The following MED12L variants were observed in gnomAD, a reference collection of about 807,000 sequenced individuals.
MED12L encodes mediator complex subunit 12L.
In MED12L, 60 loss-of-function variants were observed where a neutral mutation model predicts 281.3. That is an observed-to-expected ratio of 0.21 (90% confidence interval 0.17 to 0.26). The LOEUF is 0.26. Among genes scored for constraint, MED12L ranks in the 10% least tolerant of loss-of-function variants. The probability of loss-of-function intolerance (pLI) is 1.00; values close to 1 mark genes in which losing one functional copy is unlikely to be tolerated. For synonymous variants in MED12L, 974 were observed against 987.2 expected (o/e 0.99, Z 0.25); for missense variants, 2,146 against 2,680.9 (o/e 0.80, Z 4.41).
intron 24 of MED12L, 72 bp from the exon 25 acceptor site, chr3:151,368,078 C>A: frequency 1.7e-6 from 2 of 1,202,692 alleles, no homozygotes; most frequent in Non-Finnish European, 2.4e-6. Flanking sequence ...GGAAATTTAG[C>A]TTAATAGGAA....
rs149010025 is a variant in MED12L at position 151,221,374 on chromosome 3, A to G, written c.2250+27708A>G. ...GTTTGCATAAGCAACAAAGAGCTGA[A>G]TGTTAATCACCAAGAAAATGGGGAA... On this transcript the variant is annotated intron_variant, in intron 16 of 44. Coordinates refer to ENST00000687756, the MANE Select transcript of MED12L (RefSeq NM_001393769.1). Among the ~76,000 whole-genome samples, 223 of 152,374 alleles carry G rather than the reference A, an allele frequency of 1.5e-3. 1 individual carries two copies. Among genetic ancestry groups the G allele is most frequent in the African/African-American group, 4.9e-3 (203 of 41,584 alleles).
At chr3:151,384,346 A>G (rs1398906373) in intron 35 of MED12L, 128 bp downstream of exon 35, 5 of 1,003,990 alleles carry the variant, frequency 5.0e-6, no homozygotes, top group Admixed American at 2.9e-5. Context: ...ATTATTTGCT[A>G]TTTGTTTCAC....
rs533012830 is a variant in MED12L at position 151,417,484 on chromosome 3, C to A, written c.6408+1062C>A. ...TGTTCCGCTCCCCCAGCTCCCCCCC[C>A]GCCTTTTTTTTTTTTTTTTTTTGAG... On this transcript the variant is annotated intron_variant, in intron 43 of 44. Coordinates refer to ENST00000687756, the MANE Select transcript of MED12L (RefSeq NM_001393769.1). Among the ~76,000 whole-genome samples the A allele has an allele frequency of 5.1e-3, 449 of 87,520 alleles. 8 individuals carry two copies. Among genetic ancestry groups the A allele is most frequent in the African/African-American group, 0.017 (411 of 24,576 alleles). The allele number at this position is 87,520 out of a possible 152,430, so 57.4% of individuals were successfully genotyped here. A position where few individuals can be genotyped will look rare whatever the true frequency, so the allele number is the denominator to read the frequency against.
chr3:151,424,993 C>G (rs1718717214), intron 43 of MED12L, among the ~76,000 whole-genome samples: 1 of 152,226 alleles, frequency 6.6e-6, no homozygotes, highest in African/African-American at 2.4e-5. Context: ...GTATTTTACT[C>G]TGGTGCCCTT....
In MED12L at chr3:151,198,347, T is replaced by TA. The variant is rs1724977304; in HGVS notation, c.2250+4681_2250+4682insA. 4 of 1,095,720 alleles carry TA rather than the reference T, an allele frequency of 3.7e-6. No individual in the cohort carries two copies. In the African/African-American group the frequency reaches 6.3e-5, roughly 17 times the overall value. The allele number at this position is 1,095,720 out of a possible 1,614,324, so 67.9% of individuals were successfully genotyped here. On this transcript the variant is annotated intron_variant, in intron 16 of 44. Coordinates refer to ENST00000687756, the MANE Select transcript of MED12L (RefSeq NM_001393769.1). ...TTCATACTGAGTTTTTTTTTGTTTTTTTTTTTTTTATCTTTCAAAGCTATA... is the reference window on the plus strand; with the variant it reads ...TTCATACTGAGTTTTTTTTTGTTTTTATTTTTTTTTATCTTTCAAAGCTATA...
chr3:151,359,501 G>GAC (rs768629157), intron 20 of MED12L, among the ~76,000 whole-genome samples: 117 of 152,060 alleles, frequency 7.7e-4, no homozygotes, highest in Non-Finnish European at 1.4e-3. Context: ...CCTTGGCCTA[G>GAC]ACATCCTATG....
chr3:151,274,980 A>C (rs941938496), intron 16 of MED12L, among the ~76,000 whole-genome samples: 3 of 152,204 alleles, frequency 2.0e-5, no homozygotes, highest in African/African-American at 7.2e-5. Flanking sequence ...ATGTTCTTAG[A>C]TGAAACCTTG....
intron 16 of MED12L, chr3:151,198,540 T>C (rs3732756): frequency 0.016 from 25,779 of 1,614,050 alleles, 495 homozygotes; most frequent in East Asian, 0.12. Context: ...TAGTACAGGA[T>C]AGGATCAAAG....
chr3:151,245,759 G>A (rs1171152751), intron 16 of MED12L, among the ~76,000 whole-genome samples: 1 of 124,348 alleles, frequency 8.0e-6, no homozygotes, highest in South Asian at 3.0e-4. Flanking sequence ...AGTGTTGGAA[G>A]TTCTGGCCAG....
chr3:151,236,801 G>A (rs182310932), intron 16 of MED12L, among the ~76,000 whole-genome samples: 78 of 152,170 alleles, frequency 5.1e-4, no homozygotes, highest in Admixed American at 2.6e-4. Context: ...ATGTTATTAA[G>A]TATTGCTATA....
At chr3:151,174,321 A>G (rs1253773109) in intron 11 of MED12L, among the ~76,000 whole-genome samples, 2 of 152,192 alleles carry the variant, frequency 1.3e-5, no homozygotes, top group East Asian at 1.9e-4. Flanking sequence ...CTGTTATGCA[A>G]TTATGTATTT....
At chr3:151,156,467 A>C (rs1719300280) in intron 6 of MED12L, 137 bp downstream of exon 6, 2 of 780,844 alleles carry the variant, frequency 2.6e-6, no homozygotes, top group Non-Finnish European at 3.9e-6. Context: ...GACATTTCTC[A>C]CATCGAATTG....
chr3:151,325,013 TAC>T (rs1749426060), intron 16 of MED12L, among the ~76,000 whole-genome samples: 1 of 152,232 alleles, frequency 6.6e-6, no homozygotes, highest in African/African-American at 2.4e-5. Context: ...GCTGAAGGAA[TAC>T]AGTTTATGTC....
intron 2 of MED12L, among the ~76,000 whole-genome samples, chr3:151,106,153 C>G (rs1045639237): frequency 6.6e-6 from 1 of 152,062 alleles, no homozygotes; most frequent in Non-Finnish European, 1.5e-5. Context: ...TGACCCTACT[C>G]CAGTCAGTTG....
intron 16 of MED12L, among the ~76,000 whole-genome samples, chr3:151,332,389 A>G (rs988699029): frequency 6.6e-6 from 1 of 152,372 alleles, no homozygotes; most frequent in Admixed American, 6.5e-5. Context: ...TTCTCAGATT[A>G]TGTGAAATTG....
chr3:151,335,340 T>C (rs1750840817), intron 16 of MED12L, among the ~76,000 whole-genome samples: 1 of 152,176 alleles, frequency 6.6e-6, no homozygotes, highest in Non-Finnish European at 1.5e-5. Flanking sequence ...TTATTATGTA[T>C]CCATAACAAT....
chr3:151,366,020 A>C (rs1248715248), intron 23 of MED12L, 29 bp downstream of exon 23: 7 of 1,523,818 alleles, frequency 4.6e-6, no homozygotes, highest in Non-Finnish European at 5.3e-6. Flanking sequence ...TTAAAAATTG[A>C]ACTGTGCAAT....
At chr3:151,199,686 A>T (rs1725246091) in intron 16 of MED12L, among the ~76,000 whole-genome samples, 1 of 151,796 alleles carries the variant, frequency 6.6e-6, no homozygotes. Context: ...TTTCAACCTC[A>T]GGTTTTTCCA....
At position 151,284,355 on chromosome 3, in the gene MED12L, A is replaced by C. The variant is rs183694067; in HGVS notation, c.2251-65704A>C. On this transcript the variant is annotated intron_variant, in intron 16 of 44. Coordinates refer to ENST00000687756, the MANE Select transcript of MED12L (RefSeq NM_001393769.1). Reference sequence around the variant, plus strand: ...GTAGATCAGTCATCTCTGCCCAGCAAATGATTTTAGCTAAGCACACTTATT... The same window carrying C: ...GTAGATCAGTCATCTCTGCCCAGCACATGATTTTAGCTAAGCACACTTATT... Among the ~76,000 whole-genome samples the C allele has an allele frequency of 2.0e-3, 308 of 152,146 alleles. 4 individuals are homozygous for C. Among genetic ancestry groups the C allele is most frequent in the East Asian group, 7.7e-4 (4 of 5,162 alleles).
Sources: allele counts gnomAD v4.1 joint callset (sites outside exome capture counted in the v4.1 genomes callset), GRCh38; gene constraint gnomAD v4.1.1; transcripts MANE v1.5; gene names NCBI Gene and HGNC (gene_info 2026-07-23, HGNC 2026-07-21).